Variants in FRK observed in about 807,000 individuals in gnomAD.
FRK encodes tyrosine-protein kinase FRK.
A neutral mutation model predicts 56.4 loss-of-function variants in FRK; 51 were observed. The observed-to-expected ratio is 0.90, with a 90% CI of 0.72 to 1.14. FRK has a LOEUF of 1.14. Among genes scored for constraint, FRK ranks in the 50% most tolerant of loss-of-function variants. The pLI is 0.00. For missense variants in FRK, 570 were observed against 601.4 expected (o/e 0.95, Z 0.55); for synonymous variants, 245 against 217.9 (o/e 1.12, Z -1.10).
intron 1 of FRK, among the ~76,000 whole-genome samples, chr6:116,043,124 A>C (rs1776794065): frequency 6.6e-6 from 1 of 152,244 alleles, no homozygotes. Flanking sequence ...TTAGACTCTC[A>C]CACAATAATA....
chr6:116,042,738 T>C (rs535976242), intron 1 of FRK, among the ~76,000 whole-genome samples: 41 of 152,176 alleles, frequency 2.7e-4, no homozygotes, highest in Admixed American at 1.9e-3. Context: ...CACAACAATA[T>C]TAACCTTAAA....
chr6:116,089,713 T>G, the FRK span, among the ~76,000 whole-genome samples: 1 of 152,208 alleles, frequency 6.6e-6, no homozygotes, highest in Non-Finnish European at 1.5e-5. Flanking sequence ...ACAGATTGGA[T>G]CTGGGCCCAC....
In FRK at chr6:116,049,180, A is replaced by G. The variant is rs188328810; in HGVS notation, c.344+10788T>C. 1.3e-3 allele frequency among the ~76,000 whole-genome samples: 200 copies of G among 152,208 alleles called. 1 individual carries two copies. Among genetic ancestry groups the G allele is most frequent in the African/African-American group, 4.7e-3 (195 of 41,524 alleles). On this transcript the variant is annotated intron_variant, in intron 1 of 7. Coordinates refer to ENST00000606080, the MANE Select transcript of FRK (RefSeq NM_002031.3). ...GATAAAACCCACTCTTTAAACTATCATACATGCTCTTTTCCAAAACTTGTT... is the reference window on the plus strand; with the variant it reads ...GATAAAACCCACTCTTTAAACTATCGTACATGCTCTTTTCCAAAACTTGTT...
chr6:116,030,034 C>T (rs1183870372), intron 1 of FRK, among the ~76,000 whole-genome samples: 1 of 151,976 alleles, frequency 6.6e-6, no homozygotes, highest in Non-Finnish European at 1.5e-5. Flanking sequence ...TTCTTCATGG[C>T]CTACAATGAT....
chr6:115,966,060 A>AT (rs1554226780), intron 4 of FRK, among the ~76,000 whole-genome samples: 4 of 13,110 alleles, frequency 3.1e-4, no homozygotes, highest in Non-Finnish European at 5.0e-4. Context: ...TAAAAAAAAA[A>AT]TTAAAAAAAA....
At chr6:115,943,777 G>A (rs521985) in intron 6 of FRK, among the ~76,000 whole-genome samples, 102,455 of 151,998 alleles carry the variant, frequency 0.67, 35,035 homozygotes, top group East Asian at 0.98. Flanking sequence ...TAAGAGAAAA[G>A]CACCTAATAT....
chr6:116,090,449 T>G, the FRK span, among the ~76,000 whole-genome samples: 1 of 152,160 alleles, frequency 6.6e-6, no homozygotes, highest in South Asian at 2.1e-4. Flanking sequence ...AACCAAAGGT[T>G]TCCTGTGATT....
chr6:116,004,397 G>A (rs963839256), intron 1 of FRK, among the ~76,000 whole-genome samples: 5 of 152,022 alleles, frequency 3.3e-5, no homozygotes, highest in South Asian at 2.1e-4. Flanking sequence ...TAACACCTCT[G>A]AGCTGTTAGG....
At chr6:116,054,114 T>C (rs1427470801) in intron 1 of FRK, among the ~76,000 whole-genome samples, 2 of 151,706 alleles carry the variant, frequency 1.3e-5, no homozygotes, top group Non-Finnish European at 2.9e-5. Flanking sequence ...CAAATTGAGT[T>C]AGTTATATTA....
At chr6:115,954,716 T>C (rs1772918627) in intron 5 of FRK, among the ~76,000 whole-genome samples, 1 of 152,164 alleles carries the variant, frequency 6.6e-6, no homozygotes, top group Non-Finnish European at 1.5e-5. Flanking sequence ...ATGATTTTTT[T>C]CCTCCTTTCA....
intron 2 of FRK, among the ~76,000 whole-genome samples, chr6:115,996,323 T>C (rs1337256760): frequency 6.6e-6 from 1 of 152,090 alleles, no homozygotes; most frequent in Non-Finnish European, 1.5e-5. Flanking sequence ...CTTAGAACAT[T>C]TTGTGATTGG....
chr6:116,052,727 T>G (rs1282901595), intron 1 of FRK, among the ~76,000 whole-genome samples: 2 of 151,964 alleles, frequency 1.3e-5, no homozygotes, highest in Admixed American at 1.3e-4. Context: ...GCAGAGAGAA[T>G]AGCCCATCTG....
intron 1 of FRK, among the ~76,000 whole-genome samples, chr6:116,012,224 A>C (rs2114715014): frequency 6.6e-6 from 1 of 152,286 alleles, no homozygotes; most frequent in Middle Eastern, 3.4e-3. Context: ...CACTAGATTT[A>C]TCATCTCCCC....
intron 1 of FRK, among the ~76,000 whole-genome samples, chr6:116,048,814 T>C (rs553498047): frequency 4.6e-5 from 7 of 152,320 alleles, no homozygotes; most frequent in South Asian, 2.1e-4. Flanking sequence ...TTAATTTCCT[T>C]ACCCTAAAAA....
At chr6:116,053,968 T>C (rs1341557925) in intron 1 of FRK, among the ~76,000 whole-genome samples, 1 of 152,066 alleles carries the variant, frequency 6.6e-6, no homozygotes, top group Non-Finnish European at 1.5e-5. Flanking sequence ...CAACTGGGAT[T>C]TTAACATAGT....
At chr6:115,944,840 A>ACCCCC (rs1455061077) in intron 5 of FRK, among the ~76,000 whole-genome samples, 1 of 151,928 alleles carries the variant, frequency 6.6e-6, no homozygotes, top group Non-Finnish European at 1.5e-5. Context: ...TAAGCCTAGT[A>ACCCCC]CCCATTAGTT....
At position 115,942,607 on chromosome 6, in the gene FRK, A is replaced by G; in HGVS notation, c.1325T>C (p.Val442Ala). 1 of 1,613,520 alleles carries G rather than the reference A, an allele frequency of 6.2e-7. No individual in the cohort carries two copies. The highest frequency in any genetic ancestry group is 8.5e-7 in the Non-Finnish European group (1 of 1,179,558). Reference sequence around the variant, plus strand: ...ATAGTTTTGAGCCAACATCTGGATTACCTGGGCACCTGTCATACCTTGAAA... The same window carrying G: ...ATAGTTTTGAGCCAACATCTGGATTGCCTGGGCACCTGTCATACCTTGAAA... The part of the protein sequence containing the change: ...MPYSGMTGAQ[V>A]IQMLAQNYRL... Residue 442 changes from valine (V) to alanine (A), a missense_variant, in exon 8 of 8, where the codon GTA becomes GCA. Coordinates refer to ENST00000606080, the MANE Select transcript of FRK (RefSeq NM_002031.3).
At chr6:115,942,652 A>G (rs1443971098) in intron 7 of FRK, 27 bp from the exon 8 acceptor site, 1 of 1,577,060 alleles carries the variant, frequency 6.3e-7, no homozygotes, top group Non-Finnish European at 8.7e-7. Context: ...GAAACCAACA[A>G]CAACAAAAAA....
chr6:116,008,238 A>T (rs1200728518), intron 1 of FRK, among the ~76,000 whole-genome samples: 2 of 152,316 alleles, frequency 1.3e-5, no homozygotes, highest in East Asian at 3.9e-4. Flanking sequence ...ATTTTACTAC[A>T]TTTGTAGAAA....
Sources: allele counts gnomAD v4.1 joint callset (sites outside exome capture counted in the v4.1 genomes callset), GRCh38; gene constraint gnomAD v4.1.1; transcripts MANE v1.5; gene names NCBI Gene and HGNC (gene_info 2026-07-23, HGNC 2026-07-21).